The following SLC2A9 variants were observed in gnomAD, a reference collection of about 807,000 sequenced individuals.
The protein encoded by SLC2A9 is solute carrier family 2 member 9.
Under a neutral mutation model 50.6 loss-of-function variants are expected in SLC2A9, and 39 were observed. The observed-to-expected ratio is 0.77, with a 90% CI of 0.60 to 1.01. The LOEUF is 1.01. Among genes scored for constraint, SLC2A9 ranks in the 50% least tolerant of loss-of-function variants. SLC2A9 has a pLI of 0.00. For synonymous variants in SLC2A9, 324 were observed against 276.9 expected, an observed-to-expected ratio of 1.17 and a Z score of -1.69; for missense variants, 686 against 677.6, an observed-to-expected ratio of 1.01 and a Z score of -0.14.
chr4:9,802,082 C>G (rs1385423534), intron 3 of SLC2A9, among the ~76,000 whole-genome samples: 1 of 152,106 alleles, frequency 6.6e-6, no homozygotes, highest in East Asian at 1.9e-4. Flanking sequence ...TGGCCTTGTT[C>G]CTGCTTCTCC....
At chr4:9,882,288 T>C (rs1007437104) in intron 10 of SLC2A9, among the ~76,000 whole-genome samples, 1 of 152,132 alleles carries the variant, frequency 6.6e-6, no homozygotes, top group Admixed American at 6.5e-5. Context: ...CCATTTCTCC[T>C]TGGAATAGTT....
At chr4:10,026,039 C>A (rs758692298), upstream of SLC2A9, 22 of 1,506,396 alleles carry the variant, frequency 1.5e-5, no homozygotes, top group Middle Eastern at 1.7e-4. Context: ...AGCCATTAGA[C>A]AGCTGCTTTC....
intron 8 of SLC2A9, among the ~76,000 whole-genome samples, chr4:9,891,384 A>G (rs1264168704): frequency 6.6e-6 from 1 of 152,226 alleles, no homozygotes; most frequent in Admixed American, 6.5e-5. Flanking sequence ...TGTCAGAGAC[A>G]GGAAAACCTG....
At chr4:9,965,069 T>A (rs1006329097) in intron 5 of SLC2A9, among the ~76,000 whole-genome samples, 1 of 152,232 alleles carries the variant, frequency 6.6e-6, no homozygotes, top group African/African-American at 2.4e-5. Context: ...CAGGCACTGT[T>A]CCAAGTGCTG....
chr4:9,941,411 C>T lies in SLC2A9; in HGVS notation c.814+502G>A, dbSNP rs185532686. On this transcript the variant is annotated intron_variant, in intron 6 of 11. Coordinates refer to ENST00000264784, the MANE Select transcript of SLC2A9 (RefSeq NM_020041.3). ...CCCTCGAAGGACTGTTGGCAAGGTC[C>T]TGTGGGTCATTGTGAAGAAGCACTC... Among the ~76,000 whole-genome samples the T allele has an allele frequency of 2.0e-5, 3 of 152,290 alleles. No homozygotes were observed. In the East Asian group the frequency reaches 5.8e-4, roughly 29 times the overall value.
chr4:9,890,759 C>T, intron 8 of SLC2A9, 48 bp from the exon 9 acceptor site: 2 of 1,528,222 alleles, frequency 1.3e-6, no homozygotes, highest in Non-Finnish European at 1.8e-6. Flanking sequence ...CCATTTCTAA[C>T]CACAACAGGG....
At chr4:9,976,948 G>A (rs575894612) in intron 5 of SLC2A9, among the ~76,000 whole-genome samples, 18 of 152,280 alleles carry the variant, frequency 1.2e-4, no homozygotes, top group African/African-American at 4.3e-4. Flanking sequence ...TCTGGCTGAT[G>A]TGCCAGACGC....
chr4:9,912,284 G>A (rs1190329224), intron 7 of SLC2A9, among the ~76,000 whole-genome samples: 1 of 151,772 alleles, frequency 6.6e-6, no homozygotes, highest in Admixed American at 6.6e-5. Flanking sequence ...AAAACTTAAA[G>A]TATAATAATA....
chr4:9,885,991 G>C (rs1736127312), intron 10 of SLC2A9, among the ~76,000 whole-genome samples: 1 of 152,232 alleles, frequency 6.6e-6, no homozygotes, highest in Admixed American at 6.5e-5. Context: ...AAACCAACAT[G>C]CCTGTGAACA....
intron 10 of SLC2A9, among the ~76,000 whole-genome samples, chr4:9,864,098 C>G (rs1189920751): frequency 6.6e-6 from 1 of 152,038 alleles, no homozygotes; most frequent in Non-Finnish European, 1.5e-5. Context: ...GTTCCCCTAA[C>G]AAATCACCCT....
Position 9,868,090 on chromosome 4 carries a change from T to C in SLC2A9, c.1291+19477A>G, listed in dbSNP as rs551762247. 7.9e-5 allele frequency among the ~76,000 whole-genome samples: 12 copies of C among 152,306 alleles called. No homozygotes were observed. In the East Asian group the frequency reaches 9.7e-4, roughly 12 times the overall value. On this transcript the variant is annotated intron_variant, in intron 10 of 11. Coordinates refer to ENST00000264784, the MANE Select transcript of SLC2A9 (RefSeq NM_020041.3). Reference sequence around the variant, plus strand: ...AGCTGAAAGATCCCCAAGTGGTGGATTTGCGCCTGACCCGGGATAGTCCCA... The same window carrying C: ...AGCTGAAAGATCCCCAAGTGGTGGACTTGCGCCTGACCCGGGATAGTCCCA...
intron 6 of SLC2A9, among the ~76,000 whole-genome samples, chr4:9,925,274 C>T (rs1388868162): frequency 1.3e-5 from 2 of 152,192 alleles, no homozygotes; most frequent in African/African-American, 2.4e-5. Flanking sequence ...ACCTTCCCTG[C>T]CCCCATGATG....
At chr4:9,973,613 A>G (rs1230377353) in intron 5 of SLC2A9, among the ~76,000 whole-genome samples, 1 of 151,092 alleles carries the variant, frequency 6.6e-6, no homozygotes, top group East Asian at 2.0e-4. Flanking sequence ...TCGCAAGGAC[A>G]AAAAACCAAA....
intron 3 of SLC2A9, among the ~76,000 whole-genome samples, chr4:9,991,610 A>AC (rs1343368406): frequency 1.3e-5 from 2 of 152,132 alleles, no homozygotes; most frequent in African/African-American, 4.8e-5. Context: ...TAAAGCCCTA[A>AC]CCCCTAATGT....
chr4:9,847,638 T>C (rs1472833586), intron 10 of SLC2A9, among the ~76,000 whole-genome samples: 1 of 152,256 alleles, frequency 6.6e-6, no homozygotes, highest in Non-Finnish European at 1.5e-5. Context: ...ATTCAACTTC[T>C]GCCTTCAAGG....
chr4:9,851,204 C>T (rs1269192120), intron 10 of SLC2A9, among the ~76,000 whole-genome samples: 2 of 152,204 alleles, frequency 1.3e-5, no homozygotes, highest in South Asian at 4.1e-4. Flanking sequence ...GGGAACACCT[C>T]GGCCCATTCA....
intron 5 of SLC2A9, among the ~76,000 whole-genome samples, chr4:9,969,753 C>G (rs954214592): frequency 2.6e-5 from 4 of 152,286 alleles, no homozygotes; most frequent in Admixed American, 2.6e-4. Context: ...CTTTGTAAAA[C>G]CATCAGATCT....
intron 6 of SLC2A9, among the ~76,000 whole-genome samples, chr4:9,937,760 AG>A (rs1747352927): frequency 6.6e-6 from 1 of 152,212 alleles, no homozygotes; most frequent in African/African-American, 2.4e-5. Context: ...CAGGGCCTGA[AG>A]AGCCAGCTGA....
chr4:9,871,250 G>T (rs141434978), intron 10 of SLC2A9, among the ~76,000 whole-genome samples: 1 of 152,266 alleles, frequency 6.6e-6, no homozygotes, highest in African/African-American at 2.4e-5. Flanking sequence ...CTACAGCTAT[G>T]TAGAGGATTA....
Sources: allele counts gnomAD v4.1 joint callset (sites outside exome capture counted in the v4.1 genomes callset), GRCh38; gene constraint gnomAD v4.1.1; transcripts MANE v1.5; gene names NCBI Gene and HGNC (gene_info 2026-07-23, HGNC 2026-07-21).